Variants in CLCN3 observed in about 807,000 individuals in gnomAD.
CLCN3 encodes the protein H(+)/Cl(-) exchange transporter 3.
CLCN3 carries 16 observed loss-of-function variants against 83.4 expected under a neutral mutation model. The ratio of observed to expected loss-of-function variants is 0.19; its 90% CI spans 0.13 to 0.29. The LOEUF (loss-of-function observed/expected upper bound fraction) is 0.29. Ranked by LOEUF, CLCN3 falls within the 10% of genes least tolerant of loss-of-function variation. The probability of loss-of-function intolerance (pLI) is 1.00; values close to 1 mark genes in which losing one functional copy is unlikely to be tolerated. For missense variants in CLCN3, 544 were observed against 1,006.0 expected (o/e 0.54, Z 6.21); for synonymous variants, 322 against 346.2 (o/e 0.93, Z 0.78).
intron 9 of CLCN3, among the ~76,000 whole-genome samples, chr4:169,703,524 T>A (rs1732875249): frequency 6.6e-6 from 1 of 152,228 alleles, no homozygotes; most frequent in South Asian, 2.1e-4. Flanking sequence ...ATTGTACTTT[T>A]AAAAATATAT....
At chr4:169,640,160 T>C (rs188163982) in intron 2 of CLCN3, among the ~76,000 whole-genome samples, 2 of 152,362 alleles carry the variant, frequency 1.3e-5, no homozygotes, top group East Asian at 3.9e-4. Context: ...GTTTCTGTTT[T>C]CTTCTAGATT....
chr4:169,687,048 T>C (rs1315870879), intron 3 of CLCN3, among the ~76,000 whole-genome samples: 1 of 152,196 alleles, frequency 6.6e-6, no homozygotes, highest in African/African-American at 2.4e-5. Context: ...ATACATTGTA[T>C]TTATGGACAT....
intron 3 of CLCN3, among the ~76,000 whole-genome samples, chr4:169,684,961 A>G (rs1324034923): frequency 6.8e-6 from 1 of 147,278 alleles, no homozygotes; most frequent in Non-Finnish European, 1.5e-5. Flanking sequence ...GGTGCACACC[A>G]CCATGCCTGG....
chr4:169,683,755 T>G (rs1330492405), intron 3 of CLCN3, among the ~76,000 whole-genome samples: 1 of 152,020 alleles, frequency 6.6e-6, no homozygotes, highest in African/African-American at 2.4e-5. Context: ...TTTTTTTTTT[T>G]TTTTTTTAAG....
chr4:169,634,269 T>A (rs998240677), intron 1 of CLCN3, among the ~76,000 whole-genome samples: 4 of 152,238 alleles, frequency 2.6e-5, no homozygotes, highest in African/African-American at 4.8e-5. Flanking sequence ...AGCCTCTAGC[T>A]AATGTTCACT....
At chr4:169,693,642 A>G (rs1235313558) in intron 7 of CLCN3, among the ~76,000 whole-genome samples, 1 of 152,252 alleles carries the variant, frequency 6.6e-6, no homozygotes, top group African/African-American at 2.4e-5. Context: ...ACTCAAAACC[A>G]TCCTGTAGCG....
rs67900605 is a variant in CLCN3, at chr4:169,636,735, G to GTT, written c.160+662_160+663dup. Among the ~76,000 whole-genome samples, 1,157 of 119,500 alleles carry GTT rather than the reference G, an allele frequency of 9.7e-3. 22 individuals are homozygous for GTT. The highest frequency in any genetic ancestry group is 0.032 in the African/African-American group (1,074 of 33,592). The allele number at this position is 119,500 out of a possible 152,430, so 78.4% of individuals were successfully genotyped here. A position where few individuals can be genotyped will look rare whatever the true frequency, so the allele number is the denominator to read the frequency against. On this transcript the variant is annotated intron_variant, in intron 2 of 12. Coordinates refer to ENST00000513761, the MANE Select transcript of CLCN3 (RefSeq NM_001829.4). ...TTCTACACTGATATTTCATTATTTG[G>GTT]TTTTTTTTTTTTTTTTCATATTTTG...
chr4:169,660,515 G>C, intron 2 of CLCN3: 2 of 1,107,688 alleles, frequency 1.8e-6, no homozygotes, highest in South Asian at 3.1e-5. Flanking sequence ...CGGTCCTCTA[G>C]CTTAAACTGG....
At chr4:169,660,531 G>A (rs977389933) in intron 2 of CLCN3, 13 of 990,712 alleles carry the variant, frequency 1.3e-5, no homozygotes, top group Non-Finnish European at 1.7e-5. Flanking sequence ...ACTGGTTCTC[G>A]TTTGTCCTTT....
intron 3 of CLCN3, among the ~76,000 whole-genome samples, chr4:169,686,878 C>T (rs989094691): frequency 6.6e-6 from 1 of 152,148 alleles, no homozygotes; most frequent in African/African-American, 2.4e-5. Flanking sequence ...TCTTATTAAT[C>T]TCCTAACTTC....
At chr4:169,669,336 T>C (rs1731371686) in intron 2 of CLCN3, among the ~76,000 whole-genome samples, 1 of 152,020 alleles carries the variant, frequency 6.6e-6, no homozygotes, top group Non-Finnish European at 1.5e-5. Context: ...GTTTAAATTG[T>C]AGTATGTAGC....
At position 169,687,705 on chromosome 4, in the gene CLCN3, G is replaced by C; in HGVS notation, c.366G>C (p.Leu122Phe). Residue 122 changes from leucine (L) to phenylalanine (F), a missense_variant, in exon 4 of 13, where the codon TTG becomes TTC. By Grantham distance (22) the Leu-to-Phe change is conservative. Transcript: ENST00000513761. The part of the protein sequence containing the change: ...KESAWEMTKS[L>F]YDAWSGWLVV... Reference sequence around the variant, plus strand: ...CAGCATGGGAAATGACAAAAAGTTTGTATGATGCGTGGTCAGGATGGCTAG... The same window carrying C: ...CAGCATGGGAAATGACAAAAAGTTTCTATGATGCGTGGTCAGGATGGCTAG... The C allele has an allele frequency of 6.2e-7, 1 of 1,610,498 alleles. No individual in the cohort carries two copies. Among genetic ancestry groups the C allele is most frequent in the South Asian group, 1.1e-5 (1 of 90,538 alleles).
intron 7 of CLCN3, 146 bp from the exon 8 acceptor site, chr4:169,695,466 A>T (rs1488862048): frequency 3.1e-6 from 2 of 646,114 alleles, no homozygotes; most frequent in Non-Finnish European, 2.7e-6. Flanking sequence ...AGAAGAAATG[A>T]ATAGTTACCC....
At chr4:169,708,138 A>T (rs1424711350) in intron 11 of CLCN3, among the ~76,000 whole-genome samples, 1 of 152,190 alleles carries the variant, frequency 6.6e-6, no homozygotes, top group Non-Finnish European at 1.5e-5. Context: ...CTGAAAGGTC[A>T]TTCCTGTGAG....
chr4:169,656,043 C>T (rs1315628604), intron 2 of CLCN3, among the ~76,000 whole-genome samples: 1 of 151,638 alleles, frequency 6.6e-6, no homozygotes, highest in Admixed American at 6.6e-5. Context: ...TATTGATTGT[C>T]CCCCAGAAAA....
chr4:169,720,459 C>CTGTT lies in CLCN3; in HGVS notation c.*463_*466dup, dbSNP rs1733593584. On this transcript the variant is annotated 3_prime_UTR_variant, in exon 13 of 13. Coordinates refer to ENST00000513761, the MANE Select transcript of CLCN3 (RefSeq NM_001829.4). ...GTCTTGCCCTTTTTTTTAATCAAAACTGTTCTGTTTAATTCATGAATTGTA... is the reference window on the plus strand; with the variant it reads ...GTCTTGCCCTTTTTTTTAATCAAAACTGTTTGTTCTGTTTAATTCATGAATTGTA... The CTGTT allele has an allele frequency of 6.3e-6, 1 of 159,704 alleles. No individual in the cohort carries two copies. Among genetic ancestry groups the CTGTT allele is most frequent in the South Asian group, 2.0e-4 (1 of 5,066 alleles). 9.9% of individuals were successfully genotyped at this position (159,704 alleles called of 1,614,324 possible).
At chr4:169,631,355 C>T (rs577489901) in intron 1 of CLCN3, among the ~76,000 whole-genome samples, 2 of 152,250 alleles carry the variant, frequency 1.3e-5, no homozygotes, top group African/African-American at 4.8e-5. Flanking sequence ...GGCGCAATCT[C>T]GGCTCACTGC....
intron 1 of CLCN3, among the ~76,000 whole-genome samples, chr4:169,623,523 C>T (rs372091058): frequency 7.8e-4 from 119 of 152,234 alleles, no homozygotes; most frequent in South Asian, 2.5e-3. Flanking sequence ...GTGGTGAGAA[C>T]GTTTAAAATT....
chr4:169,640,713 T>C (rs17055064), intron 2 of CLCN3, among the ~76,000 whole-genome samples: 11,402 of 152,188 alleles, frequency 0.075, 476 homozygotes, highest in African/African-American at 0.12. Flanking sequence ...AAGAGAACCA[T>C]ATGGCTCTTG....
Sources: allele counts gnomAD v4.1 joint callset (sites outside exome capture counted in the v4.1 genomes callset), GRCh38; gene constraint gnomAD v4.1.1; transcripts MANE v1.5; gene names NCBI Gene and HGNC (gene_info 2026-07-23, HGNC 2026-07-21).